Variants in LAMP3 observed in about 807,000 individuals in gnomAD.
The protein encoded by LAMP3 is lysosome associated membrane protein 3.
A neutral mutation model predicts 34.8 loss-of-function variants in LAMP3; 26 were observed. That is an observed-to-expected ratio of 0.75 (90% CI 0.55 to 1.04). The LOEUF is 1.04. LAMP3 is among the 50% of genes least tolerant of loss of function. The pLI, the probability that LAMP3 is intolerant of heterozygous loss-of-function variation, is 0.00. For missense variants in LAMP3, 495 were observed against 524.0 expected, an observed-to-expected ratio of 0.94 and a Z score of 0.54; for synonymous variants, 180 against 201.9, an observed-to-expected ratio of 0.89 and a Z score of 0.92.
chr3:183,124,435 C>T (rs967009223), intron 5 of LAMP3, among the ~76,000 whole-genome samples: 2 of 150,938 alleles, frequency 1.3e-5, no homozygotes, highest in African/African-American at 4.8e-5. Context: ...GATTAAATAA[C>T]CATATTTTCT....
chr3:183,157,618 T>A (rs1381230173), intron 1 of LAMP3, among the ~76,000 whole-genome samples: 1 of 152,126 alleles, frequency 6.6e-6, no homozygotes, highest in Non-Finnish European at 1.5e-5. Flanking sequence ...AGAAAACACT[T>A]GCCAGTTGTT....
chr3:183,143,542 T>C (rs1720350400), intron 3 of LAMP3, among the ~76,000 whole-genome samples: 1 of 152,216 alleles, frequency 6.6e-6, no homozygotes, highest in Non-Finnish European at 1.5e-5. Context: ...GACATGATCA[T>C]ACTTCAATTG....
chr3:183,130,723 C>A (rs1052001649), intron 5 of LAMP3, among the ~76,000 whole-genome samples: 1 of 152,150 alleles, frequency 6.6e-6, no homozygotes, highest in African/African-American at 2.4e-5. Context: ...CGATCGTCTG[C>A]TTTGGGGTTT....
chr3:183,142,808 T>A (rs144233164), intron 3 of LAMP3, among the ~76,000 whole-genome samples: 27 of 152,118 alleles, frequency 1.8e-4, no homozygotes, highest in African/African-American at 6.5e-4. Context: ...TGCCGGGCCA[T>A]GTGTTCAAAA....
chr3:183,136,874 GGC>G (rs1224564629), intron 4 of LAMP3, among the ~76,000 whole-genome samples: 3 of 152,054 alleles, frequency 2.0e-5, no homozygotes, highest in African/African-American at 7.2e-5. Context: ...CAGGCATGGT[GGC>G]ACACACCTGT....
intron 5 of LAMP3, among the ~76,000 whole-genome samples, chr3:183,124,624 T>C (rs1339878526): frequency 6.6e-6 from 1 of 151,988 alleles, no homozygotes; most frequent in Non-Finnish European, 1.5e-5. Flanking sequence ...TCTGATGTCG[T>C]GAGTTTGAGA....
chr3:183,162,055 G>T, intron 1 of LAMP3: 1 of 769,726 alleles, frequency 1.3e-6, no homozygotes, highest in Non-Finnish European at 1.6e-6. Flanking sequence ...TTCATCACAG[G>T]GACAACACCA....
intron 2 of LAMP3, among the ~76,000 whole-genome samples, chr3:183,153,468 T>C (rs910460768): frequency 3.3e-5 from 5 of 152,332 alleles, no homozygotes; most frequent in Admixed American, 3.3e-4. Context: ...AAGTTTTGTT[T>C]GCCTTCCTCT....
chr3:183,125,218 T>C (rs980567200), intron 5 of LAMP3, among the ~76,000 whole-genome samples: 2 of 152,300 alleles, frequency 1.3e-5, no homozygotes, highest in Middle Eastern at 3.4e-3. Flanking sequence ...AAGAACCATG[T>C]CTTAGTCATT....
At chr3:183,135,602 TCCCAGGA>T in intron 5 of LAMP3, 108 bp downstream of exon 5, 1 of 1,009,832 alleles carries the variant, frequency 9.9e-7, no homozygotes, top group Non-Finnish European at 1.5e-6. Flanking sequence ...AATCACACCA[TCCCAGGA>T]AGCTCATGAG....
At chr3:183,142,336 T>C (rs369708961) in intron 3 of LAMP3, among the ~76,000 whole-genome samples, 12 of 152,068 alleles carry the variant, frequency 7.9e-5, no homozygotes, top group African/African-American at 2.9e-4. Context: ...TGAGATTGAT[T>C]TGAGGAGCAG....
At position 183,152,465 on chromosome 3, in the gene LAMP3, G is replaced by C. The variant is rs116672488; in HGVS notation, c.798C>G (p.Asn266Lys). Residue 266 changes from asparagine to lysine, a missense_variant, in exon 3 of 6, where the codon AAC becomes AAG. Transcript: ENST00000265598. ...CACAGTTCCCAGAGGCTTGCGTTGCGTTGGGGTCGATGTTGAAGTATCTCC... is the reference window on the plus strand; with the variant it reads ...CACAGTTCCCAGAGGCTTGCGTTGCCTTGGGGTCGATGTTGAAGTATCTCC... ...SPRRYFNIDP[N>K]ATQASGNCGT... 1.7e-5 allele frequency: 28 copies of C among 1,612,652 alleles called. No homozygotes were observed. The African/African-American group carries it at 2.0e-4, about 12-fold the overall frequency.
In LAMP3 at chr3:183,152,401, C is replaced by A. The variant is rs770560672; in HGVS notation, c.862G>T (p.Gly288Ter). The stretch of plus-strand genomic sequence containing the variant: ...TTGGTAAATGTGAGATTCACAAATC[C>A]GCCCTGAAAATTCAACAGAAGGTTG... ...KSNLLLNFQG[G>*]FVNLTFTKDE... The change falls in exon 3 of 6, where the codon GGA becomes TGA. Residue 288 changes from glycine to a stop codon, truncating the protein, a stop_gained. Coordinates refer to ENST00000265598, the MANE Select transcript of LAMP3 (RefSeq NM_014398.4). LOFTEE classifies it high-confidence loss of function. 1.2e-6 allele frequency: 2 copies of A among 1,611,534 alleles called. No individual in the cohort carries two copies. Among genetic ancestry groups the A allele is most frequent in the African/African-American group, 2.7e-5 (2 of 74,692 alleles).
intron 1 of LAMP3, among the ~76,000 whole-genome samples, chr3:183,159,968 C>T (rs146138319): frequency 3.9e-5 from 6 of 152,210 alleles, no homozygotes; most frequent in Admixed American, 2.0e-4. Flanking sequence ...CATGTGGAAC[C>T]GTGAGGAGGC....
At chr3:183,158,829 C>A (rs796770223) in intron 1 of LAMP3, among the ~76,000 whole-genome samples, 12 of 152,184 alleles carry the variant, frequency 7.9e-5, no homozygotes, top group African/African-American at 2.9e-4. Flanking sequence ...TTCTCAGGGG[C>A]CCTGTGAGGC....
chr3:183,139,264 C>T (rs1328949726), intron 4 of LAMP3, among the ~76,000 whole-genome samples: 1 of 152,042 alleles, frequency 6.6e-6, no homozygotes, highest in East Asian at 1.9e-4. Flanking sequence ...GTGACAGGTG[C>T]CTGTAATCCC....
At chr3:183,150,193 C>T (rs574356059) in intron 3 of LAMP3, among the ~76,000 whole-genome samples, 1 of 152,248 alleles carries the variant, frequency 6.6e-6, no homozygotes, top group South Asian at 2.1e-4. Context: ...TCATTTCCTG[C>T]CCCTACCCTT....
intron 1 of LAMP3, among the ~76,000 whole-genome samples, chr3:183,157,447 T>C (rs1280078920): frequency 6.6e-6 from 1 of 152,202 alleles, no homozygotes; most frequent in Non-Finnish European, 1.5e-5. Flanking sequence ...AGCAATTCAT[T>C]TGGGTAAAAC....
chr3:183,136,780 G>A (rs919586003), intron 4 of LAMP3, among the ~76,000 whole-genome samples: 5 of 151,998 alleles, frequency 3.3e-5, no homozygotes, highest in Admixed American at 1.3e-4. Flanking sequence ...CCTAAGGACT[G>A]GCCCTCTCTT....
Sources: allele counts gnomAD v4.1 joint callset (sites outside exome capture counted in the v4.1 genomes callset), GRCh38; gene constraint gnomAD v4.1.1; transcripts MANE v1.5; gene names NCBI Gene and HGNC (gene_info 2026-07-23, HGNC 2026-07-21).